The following PRKG2 variants were observed in gnomAD, a reference collection of about 807,000 sequenced individuals.
PRKG2 encodes the protein cGMP-dependent protein kinase 2.
PRKG2 carries 33 observed loss-of-function variants against 97.2 expected under a neutral mutation model. That is an observed-to-expected ratio of 0.34 (90% confidence interval 0.26 to 0.45). PRKG2 has a LOEUF of 0.45. Among genes scored for constraint, PRKG2 ranks in the 20% least tolerant of loss-of-function variants. The probability of loss-of-function intolerance (pLI) is 1.00; values close to 1 mark genes in which losing one functional copy is unlikely to be tolerated. For synonymous variants in PRKG2, 330 were observed against 321.8 expected (o/e 1.03, Z -0.27); for missense variants, 638 against 900.0 (o/e 0.71, Z 3.73).
At chr4:81,161,206 G>A (rs1320057838) in intron 6 of PRKG2, among the ~76,000 whole-genome samples, 9 of 152,054 alleles carry the variant, frequency 5.9e-5, no homozygotes, top group Non-Finnish European at 1.3e-4. Context: ...TATAAGATAT[G>A]TCAATATCTC....
upstream of PRKG2, chr4:81,215,227 G>A (rs1033334841): frequency 1.3e-5 from 2 of 152,394 alleles, no homozygotes; most frequent in African/African-American, 2.4e-5. Context: ...CGGTGCAGAG[G>A]AGACACGCAG....
At chr4:81,150,239 T>C (rs1217375209) in intron 8 of PRKG2, among the ~76,000 whole-genome samples, 3 of 152,168 alleles carry the variant, frequency 2.0e-5, no homozygotes, top group African/African-American at 7.2e-5. Context: ...TCCTTTTGCA[T>C]GTCAGTATCA....
At chr4:81,138,451 G>A (rs908982784) in intron 12 of PRKG2, among the ~76,000 whole-genome samples, 1 of 152,078 alleles carries the variant, frequency 6.6e-6, no homozygotes, top group Non-Finnish European at 1.5e-5. Flanking sequence ...CTTGAATCCA[G>A]ATCAGACATT....
chr4:81,157,610 G>A (rs1160307379), intron 6 of PRKG2, among the ~76,000 whole-genome samples: 11 of 151,936 alleles, frequency 7.2e-5, no homozygotes, highest in Non-Finnish European at 1.3e-4. Context: ...TACCAAAGCC[G>A]GGCAGAGACA....
chr4:81,190,971 C>A (rs557123890), intron 2 of PRKG2, among the ~76,000 whole-genome samples: 1 of 152,202 alleles, frequency 6.6e-6, no homozygotes, highest in South Asian at 2.1e-4. Context: ...AGGAACACTT[C>A]TACACTGTTG....
chr4:81,112,819 C>T (rs1744118108), intron 14 of PRKG2, among the ~76,000 whole-genome samples: 1 of 152,200 alleles, frequency 6.6e-6, no homozygotes, highest in African/African-American at 2.4e-5. Context: ...CTATAAAAAT[C>T]ACGCTATGTC....
chr4:81,127,183 G>A (rs1464074124), intron 14 of PRKG2, among the ~76,000 whole-genome samples: 2 of 152,098 alleles, frequency 1.3e-5, no homozygotes. Flanking sequence ...TTGTAGACGT[G>A]TGGCATTATT....
chr4:81,135,374 G>A, intron 13 of PRKG2, 78 bp from the exon 14 acceptor site: 1 of 1,414,520 alleles, frequency 7.1e-7, no homozygotes, highest in East Asian at 2.4e-5. Flanking sequence ...ATCAATTATT[G>A]GATTGGCAGG....
intron 2 of PRKG2, among the ~76,000 whole-genome samples, chr4:81,197,458 T>TAA (rs1437387975): frequency 6.6e-6 from 1 of 152,164 alleles, no homozygotes; most frequent in Non-Finnish European, 1.5e-5. Context: ...CTACATAAAT[T>TAA]AAAACAATAG....
intron 6 of PRKG2, among the ~76,000 whole-genome samples, chr4:81,157,980 A>G (rs1749257902): frequency 6.7e-6 from 1 of 149,342 alleles, no homozygotes; most frequent in Admixed American, 6.6e-5. Flanking sequence ...ATCATACTGA[A>G]TGGGCAAAAA....
intron 4 of PRKG2, among the ~76,000 whole-genome samples, 155 bp downstream of exon 4, chr4:81,171,536 A>G (rs1446388878): frequency 2.6e-5 from 4 of 152,184 alleles, no homozygotes; most frequent in African/African-American, 9.6e-5. Context: ...TAAGTGCTTC[A>G]GTATAAATCC....
chr4:81,123,398 TTTTG>T lies in PRKG2; in HGVS notation c.1776+11753_1776+11756del, dbSNP rs554592731. 1.6e-3 allele frequency among the ~76,000 whole-genome samples: 247 copies of T among 152,176 alleles called. 1 individual carries two copies. Among genetic ancestry groups the T allele is most frequent in the African/African-American group, 3.6e-3 (150 of 41,534 alleles). ...CTCCTGTAAACATCACATAGGTGAT[TTTTG>T]TTTGTTTGTTTGTTTGTTTTGAGAC... On this transcript the variant is annotated intron_variant, in intron 14 of 18. Transcript: ENST00000264399.
intron 1 of PRKG2, among the ~76,000 whole-genome samples, chr4:81,210,692 T>C (rs1465018056): frequency 6.6e-6 from 1 of 152,186 alleles, no homozygotes; most frequent in Non-Finnish European, 1.5e-5. Flanking sequence ...CCAGCAGTCA[T>C]GCTTCTTGGT....
rs569690211 is a variant in PRKG2, at chr4:81,183,222, C to G, written c.462-8263G>C. Among the ~76,000 whole-genome samples, 4 of 152,262 alleles carry G rather than the reference C, an allele frequency of 2.6e-5. No homozygotes were observed. In the South Asian group the frequency reaches 8.3e-4, roughly 32 times the overall value. On this transcript the variant is annotated intron_variant, in intron 2 of 18. Transcript: ENST00000264399. Reference sequence around the variant, plus strand: ...TGGCAAGATGGCCAAATAGGAACAGCTCCAGTCTGCAGCTTCCAGCGAGAT... The same window carrying G: ...TGGCAAGATGGCCAAATAGGAACAGGTCCAGTCTGCAGCTTCCAGCGAGAT...
intron 14 of PRKG2, among the ~76,000 whole-genome samples, chr4:81,113,453 A>G (rs773057300): frequency 2.0e-5 from 3 of 151,916 alleles, no homozygotes; most frequent in Non-Finnish European, 2.9e-5. Flanking sequence ...CCTTGTCTCT[A>G]TTAAATTCTC....
chr4:81,172,244 T>C lies in PRKG2; in HGVS notation c.629-440A>G, dbSNP rs769462636. On this transcript the variant is annotated intron_variant, in intron 3 of 18. Coordinates refer to ENST00000264399, the MANE Select transcript of PRKG2 (RefSeq NM_006259.3). ...AATTCATTATAACCTATGAGAAATGTAATACATGAAACTATTTCTCTTTTA... is the reference window on the plus strand; with the variant it reads ...AATTCATTATAACCTATGAGAAATGCAATACATGAAACTATTTCTCTTTTA... Among the ~76,000 whole-genome samples the C allele has an allele frequency of 3.4e-4, 52 of 152,232 alleles. 1 individual carries two copies. The highest frequency in any genetic ancestry group is 3.4e-3 in the Middle Eastern group (1 of 294).
At chr4:81,210,104 T>C (rs1302877515) in intron 1 of PRKG2, among the ~76,000 whole-genome samples, 1 of 152,064 alleles carries the variant, frequency 6.6e-6, no homozygotes, top group East Asian at 1.9e-4. Context: ...CAGACCTAGA[T>C]GTAAGAAACA....
chr4:81,164,390 G>C (rs1173250226), intron 6 of PRKG2, among the ~76,000 whole-genome samples: 1 of 151,824 alleles, frequency 6.6e-6, no homozygotes, highest in African/African-American at 2.4e-5. Context: ...ATAAACTGTA[G>C]CGAAATCTAC....
chr4:81,098,534 G>T (rs555048486), intron 17 of PRKG2, among the ~76,000 whole-genome samples: 1 of 152,128 alleles, frequency 6.6e-6, no homozygotes, highest in Non-Finnish European at 1.5e-5. Context: ...ATAATTTCTA[G>T]CTTTTTATTT....
Sources: allele counts gnomAD v4.1 joint callset (sites outside exome capture counted in the v4.1 genomes callset), GRCh38; gene constraint gnomAD v4.1.1; transcripts MANE v1.5; gene names NCBI Gene and HGNC (gene_info 2026-07-23, HGNC 2026-07-21).